Variants in ADD3 observed in about 807,000 individuals in gnomAD.
ADD3 encodes the protein adducin 3.
In ADD3, 25 loss-of-function variants were observed where a neutral mutation model predicts 80.2. That is an observed-to-expected ratio of 0.31 (90% CI 0.23 to 0.44). The LOEUF is 0.44. Among genes scored for constraint, ADD3 ranks in the 20% least tolerant of loss-of-function variants. The pLI is 1.00. For synonymous variants in ADD3, 284 were observed against 289.6 expected (o/e 0.98, Z 0.20); for missense variants, 829 against 847.5 (o/e 0.98, Z 0.27).
At chr10:110,086,156 A>G (rs1329792084) in intron 1 of ADD3, among the ~76,000 whole-genome samples, 3 of 151,962 alleles carry the variant, frequency 2.0e-5, no homozygotes, top group African/African-American at 7.3e-5. Flanking sequence ...TCACGCCTGT[A>G]ATTCTAGCAC....
intron 2 of ADD3, among the ~76,000 whole-genome samples, chr10:110,104,964 G>A (rs1424654534): frequency 2.0e-5 from 3 of 152,126 alleles, no homozygotes; most frequent in Non-Finnish European, 4.4e-5. Flanking sequence ...CTGCCTATAT[G>A]TTTTTATATC....
intron 6 of ADD3, 98 bp from the exon 7 acceptor site, chr10:110,119,113 T>C (rs1851142711): frequency 1.5e-6 from 2 of 1,308,616 alleles, no homozygotes; most frequent in Non-Finnish European, 2.1e-6. Context: ...ACACAGTGAA[T>C]AGGCCAGTGT....
intron 1 of ADD3, among the ~76,000 whole-genome samples, chr10:110,071,411 TTAAAAA>T (rs1462034810): frequency 6.6e-6 from 1 of 152,216 alleles, no homozygotes; most frequent in Non-Finnish European, 1.5e-5. Flanking sequence ...CTTGCCACAG[TTAAAAA>T]TAAAAGTTAT....
At chr10:110,062,264 C>T (rs1859016782) in intron 1 of ADD3, among the ~76,000 whole-genome samples, 1 of 133,876 alleles carries the variant, frequency 7.5e-6, no homozygotes, top group Admixed American at 8.0e-5. Context: ...CATGGTGGCA[C>T]ATGCTTGTAA....
intron 1 of ADD3, among the ~76,000 whole-genome samples, chr10:110,097,333 A>T (rs1216165077): frequency 6.6e-6 from 1 of 152,176 alleles, no homozygotes; most frequent in Non-Finnish European, 1.5e-5. Context: ...AACATGGTAT[A>T]CTATAAAATT....
In ADD3 at chr10:110,133,865, A is replaced by G; in HGVS notation, c.*247A>G. ...ATTAGCTCTGCCCTCATGAAGTATT[A>G]TTATAATTCACCATAAACAGCTATC... On this transcript the variant is annotated 3_prime_UTR_variant, in exon 15 of 15. Coordinates refer to ENST00000356080, the MANE Select transcript of ADD3 (RefSeq NM_016824.5). 4 of 295,702 alleles carry G rather than the reference A, an allele frequency of 1.4e-5. No homozygotes were observed. Among genetic ancestry groups the G allele is most frequent in the Non-Finnish European group, 2.5e-5 (4 of 162,218 alleles). 18.3% of individuals were successfully genotyped at this position (295,702 alleles called of 1,614,324 possible).
intron 1 of ADD3, among the ~76,000 whole-genome samples, chr10:110,099,842 T>G (rs769167180): frequency 6.6e-6 from 1 of 152,244 alleles, no homozygotes; most frequent in Admixed American, 6.5e-5. Flanking sequence ...TAACTACTTT[T>G]TAAAAATTCG....
At chr10:110,070,010 G>A (rs965410104) in intron 1 of ADD3, among the ~76,000 whole-genome samples, 1 of 152,096 alleles carries the variant, frequency 6.6e-6, no homozygotes, top group Non-Finnish European at 1.5e-5. Flanking sequence ...TGTAATCTGT[G>A]ATACTTTTAT....
At chr10:110,040,913 GCGCTCTCTCTCTCT>G (rs763676056) in intron 1 of ADD3, among the ~76,000 whole-genome samples, 119 of 150,724 alleles carry the variant, frequency 7.9e-4, no homozygotes, top group African/African-American at 2.6e-3. Flanking sequence ...TTGCACGCAC[GCGCTCTCTCTCTCT>G]CGCTCTCTCT....
In ADD3 at chr10:110,040,091, T is replaced by A. The variant is rs1351058642; in HGVS notation, c.-30+31792T>A. On this transcript the variant is annotated intron_variant, in intron 1 of 14. Transcript: ENST00000356080. ...AGAAGGGACTACACATGGTTGTGAA[T>A]ACCAGGAGGATGGGATGGTTAGGGA... 2.0e-5 allele frequency among the ~76,000 whole-genome samples: 3 copies of A among 152,228 alleles called. No homozygotes were observed. The East Asian group carries it at 5.8e-4, about 29-fold the overall frequency.
intron 1 of ADD3, among the ~76,000 whole-genome samples, chr10:110,020,867 C>T (rs1853590372): frequency 6.6e-6 from 1 of 151,970 alleles, no homozygotes; most frequent in African/African-American, 2.4e-5. Flanking sequence ...AGGTTTTGGG[C>T]CTAGGCAAAA....
At chr10:110,041,286 T>C (rs978671443) in intron 1 of ADD3, among the ~76,000 whole-genome samples, 1 of 152,150 alleles carries the variant, frequency 6.6e-6, no homozygotes, top group African/African-American at 2.4e-5. Flanking sequence ...GGGAGGCAGA[T>C]GAGGTTTTCC....
intron 1 of ADD3, among the ~76,000 whole-genome samples, chr10:110,024,106 A>G (rs187147303): frequency 9.2e-5 from 14 of 152,356 alleles, no homozygotes; most frequent in Non-Finnish European, 1.5e-4. Flanking sequence ...CCCAAACCTC[A>G]GCATCACACA....
chr10:110,121,136 C>G (rs891494567), intron 8 of ADD3, among the ~76,000 whole-genome samples: 1 of 152,054 alleles, frequency 6.6e-6, no homozygotes, highest in Non-Finnish European at 1.5e-5. Context: ...CAACAAAAGA[C>G]AAAATTGACA....
intron 1 of ADD3, among the ~76,000 whole-genome samples, chr10:110,015,048 T>C (rs1852790762): frequency 6.6e-6 from 1 of 152,088 alleles, no homozygotes; most frequent in Non-Finnish European, 1.5e-5. Context: ...TAATTTTTTG[T>C]ATTTTTAGTA....
intron 12 of ADD3, 91 bp downstream of exon 12, chr10:110,126,594 T>C (rs1687620051): frequency 1.1e-6 from 1 of 922,426 alleles, no homozygotes; most frequent in African/African-American, 1.7e-5. Flanking sequence ...TTACTAAGGT[T>C]AATATAAGCA....
chr10:110,080,475 T>A (rs1469311944), intron 1 of ADD3, among the ~76,000 whole-genome samples: 1 of 152,248 alleles, frequency 6.6e-6, no homozygotes, highest in East Asian at 1.9e-4. Flanking sequence ...CCTAAGCTAT[T>A]TTAAAGTTTA....
At chr10:110,064,411 C>T (rs1843651229) in intron 1 of ADD3, among the ~76,000 whole-genome samples, 1 of 152,072 alleles carries the variant, frequency 6.6e-6, no homozygotes, top group Non-Finnish European at 1.5e-5. Context: ...TTTTTTGTTT[C>T]TGTTTTCATT....
intron 1 of ADD3, among the ~76,000 whole-genome samples, chr10:110,025,145 C>T (rs1854133760): frequency 6.6e-6 from 1 of 152,040 alleles, no homozygotes; most frequent in Non-Finnish European, 1.5e-5. Context: ...ATCCACCCAC[C>T]TCGGCCTCCC....
Sources: gnomAD v4.1 joint callset for allele counts (sites outside exome capture counted in the v4.1 genomes callset) on GRCh38, gnomAD v4.1.1 for gene constraint, MANE v1.5 for transcripts, NCBI Gene and HGNC (gene_info 2026-07-23, HGNC 2026-07-21) for gene names.